KIF1A: variants seen among roughly 807,000 people sequenced by gnomAD.
KIF1A encodes the protein kinesin-like protein KIF1A.
KIF1A carries 46 observed loss-of-function variants against 227.3 expected under a neutral mutation model. That is an observed-to-expected ratio of 0.20 (90% confidence interval 0.16 to 0.26). The LOEUF (loss-of-function observed/expected upper bound fraction) is 0.26, where lower values mean the gene tolerates loss of function less well. Ranked by LOEUF, KIF1A falls within the 10% of genes least tolerant of loss-of-function variation. KIF1A has a pLI of 1.00. For missense variants in KIF1A, 1,683 were observed against 2,485.9 expected (o/e 0.68, Z 6.87); for synonymous variants, 1,022 against 1,012.8 (o/e 1.01, Z -0.17).
At chr2:240,776,597 T>C (rs1045139122) in intron 10 of KIF1A, among the ~76,000 whole-genome samples, 4 of 152,244 alleles carry the variant, frequency 2.6e-5, no homozygotes, top group African/African-American at 9.6e-5. Flanking sequence ...TGCCAGGAAT[T>C]GCTTCTGACA....
intron 10 of KIF1A, among the ~76,000 whole-genome samples, chr2:240,779,733 CAGTTCCACACTCAGTTCCTCAT>C (rs2053364866): frequency 6.6e-6 from 1 of 151,060 alleles, no homozygotes. Context: ...CAGTTCCTCA[CAGTTCCACACTCAGTTCCTCAT>C]AGTTCCCCAC....
chr2:240,757,226 GGCCAGGCCCCA>G lies in KIF1A; in HGVS notation c.2858+82_2858+92del. ...GCCTCGCCTGCCCTGGGAGGGCCCG[GGCCAGGCCCCA>G]GCGGTTCCTCTGTGCCCGCAGCAGT... On this transcript the variant is annotated intron_variant, in intron 27 of 48. Coordinates refer to ENST00000498729, the MANE Select transcript of KIF1A (RefSeq NM_001244008.2). The surrounding 1 kb of genome is among the most constrained non-coding windows in gnomAD (Gnocchi z 6.2). 1.5e-6 allele frequency: 2 copies of G among 1,325,594 alleles called. No individual in the cohort carries two copies. Among genetic ancestry groups the G allele is most frequent in the Non-Finnish European group, 2.1e-6 (2 of 957,338 alleles). 82.1% of individuals were successfully genotyped at this position (1,325,594 alleles called of 1,614,324 possible). A position where few individuals can be genotyped will look rare whatever the true frequency, so the allele number is the denominator to read the frequency against.
intron 16 of KIF1A, 112 bp downstream of exon 16, chr2:240,769,515 C>T (rs2051651438): frequency 2.3e-6 from 2 of 872,112 alleles, no homozygotes; most frequent in Non-Finnish European, 3.5e-6. Context: ...TGTGGCCACC[C>T]CATGGTGCAG....
chr2:240,816,207 TA>T (rs1255986779), intron 1 of KIF1A, among the ~76,000 whole-genome samples: 1 of 151,852 alleles, frequency 6.6e-6, no homozygotes, highest in East Asian at 1.9e-4. Context: ...CATGCGTGCA[TA>T]AGCATGTGTG....
At position 240,744,292 on chromosome 2, in the gene KIF1A, G is replaced by A. The variant is rs190057954; in HGVS notation, c.3466-232C>T. 7.2e-5 allele frequency among the ~76,000 whole-genome samples: 11 copies of A among 152,274 alleles called. No homozygotes were observed. In the East Asian group the frequency reaches 2.1e-3, roughly 29 times the overall value. ...GTCCCTCGGGCTCTCTCTCCAGGAC[G>A]AACAGGGGCCGCGTGGCTCAGCTGC... On this transcript the variant is annotated intron_variant, in intron 32 of 48. Transcript: ENST00000498729.
chr2:240,786,768 C>CAGCATCAGG (rs1575633767), intron 5 of KIF1A, among the ~76,000 whole-genome samples: 1 of 46,890 alleles, frequency 2.1e-5, no homozygotes, highest in African/African-American at 9.0e-5. Context: ...GGGTAGGGGC[C>CAGCATCAGG]ACCATCAGGA....
chr2:240,772,701 A>AAG, intron 13 of KIF1A, 105 bp from the exon 14 acceptor site: 1 of 898,434 alleles, frequency 1.1e-6, no homozygotes, highest in Non-Finnish European at 1.8e-6. Flanking sequence ...GGTGGCCAGC[A>AAG]GTGGGTGTGT....
chr2:240,755,992 T>C (rs1287803770), intron 27 of KIF1A, among the ~76,000 whole-genome samples: 2 of 152,038 alleles, frequency 1.3e-5, no homozygotes, highest in Non-Finnish European at 2.9e-5. Flanking sequence ...CAGGTTTTTA[T>C]CTGGTAGGCC....
intron 1 of KIF1A, among the ~76,000 whole-genome samples, chr2:240,805,151 GGGA>G (rs1274753064): frequency 2.2e-4 from 23 of 102,656 alleles, no homozygotes; most frequent in Admixed American, 3.8e-4. Flanking sequence ...GGAGTGGGGA[GGGA>G]GGCGGGAGGG....
chr2:240,776,038 G>C, intron 10 of KIF1A, 112 bp from the exon 11 acceptor site: 1 of 770,186 alleles, frequency 1.3e-6, no homozygotes, highest in Non-Finnish European at 2.3e-6. Flanking sequence ...GGCTGGGCAA[G>C]GGGCGGGGCC....
intron 10 of KIF1A, among the ~76,000 whole-genome samples, chr2:240,779,341 G>GTT (rs1490487567): frequency 1.5e-5 from 2 of 137,372 alleles, no homozygotes; most frequent in Non-Finnish European, 3.0e-5. Context: ...GTTCCTCATA[G>GTT]TTCCACACTC....
chr2:240,757,231 G>T lies in KIF1A; in HGVS notation c.2858+88C>A. The T allele has an allele frequency of 7.4e-7, 1 of 1,351,628 alleles. No individual in the cohort carries two copies. The highest frequency in any genetic ancestry group is 1.0e-6 in the Non-Finnish European group (1 of 979,580). 83.7% of individuals were successfully genotyped at this position (1,351,628 alleles called of 1,614,324 possible). A position where few individuals can be genotyped will look rare whatever the true frequency, so the allele number is the denominator to read the frequency against. ...GCCTGCCCTGGGAGGGCCCGGGCCA[G>T]GCCCCAGCGGTTCCTCTGTGCCCGC... On this transcript the variant is annotated intron_variant, in intron 27 of 48. Transcript: ENST00000498729. The surrounding 1 kb of genome is among the most constrained non-coding windows in gnomAD (Gnocchi z 6.2).
intron 10 of KIF1A, among the ~76,000 whole-genome samples, chr2:240,776,476 A>G (rs374713254): frequency 4.6e-5 from 7 of 152,154 alleles, no homozygotes; most frequent in African/African-American, 1.7e-4. Context: ...CCAGCTCACA[A>G]GCTTTCCTCT....
chr2:240,815,875 C>T (rs957122218), intron 1 of KIF1A, among the ~76,000 whole-genome samples: 5 of 152,146 alleles, frequency 3.3e-5, no homozygotes, highest in South Asian at 2.1e-4. Flanking sequence ...CCGAGCCAAG[C>T]GGTGCTGTTC....
intron 37 of KIF1A, among the ~76,000 whole-genome samples, chr2:240,737,810 T>C (rs2047518660): frequency 6.6e-6 from 1 of 152,194 alleles, no homozygotes; most frequent in East Asian, 1.9e-4. Context: ...ACAGTTCTGC[T>C]CATTCAAAGG....
chr2:240,811,394 A>T (rs1224918931), intron 1 of KIF1A, among the ~76,000 whole-genome samples: 4 of 152,190 alleles, frequency 2.6e-5, no homozygotes, highest in Non-Finnish European at 5.9e-5. Context: ...AAGAAAAGAA[A>T]AGAAACTATC....
intron 8 of KIF1A, among the ~76,000 whole-genome samples, 200 bp downstream of exon 8, chr2:240,783,539 C>T (rs1303965762): frequency 6.6e-6 from 1 of 152,218 alleles, no homozygotes; most frequent in Non-Finnish European, 1.5e-5. Context: ...AAACCCCTGA[C>T]CTGTGTGCCC....
chr2:240,773,941 A>C (rs749899883), intron 12 of KIF1A, among the ~76,000 whole-genome samples: 1 of 152,174 alleles, frequency 6.6e-6, no homozygotes, highest in Non-Finnish European at 1.5e-5. Flanking sequence ...GTCTGGTGCC[A>C]CGGGGCCCTG....
chr2:240,816,359 G>A (rs141441903), intron 1 of KIF1A, among the ~76,000 whole-genome samples: 30 of 152,162 alleles, frequency 2.0e-4, no homozygotes, highest in Non-Finnish European at 4.3e-4. Flanking sequence ...TGCAATGTGT[G>A]TGTATGTGTA....
Sources: allele counts gnomAD v4.1 joint callset (sites outside exome capture counted in the v4.1 genomes callset), GRCh38; gene constraint gnomAD v4.1.1; non-coding constraint Gnocchi (gnomAD v3.1); transcripts MANE v1.5; gene names NCBI Gene and HGNC (gene_info 2026-07-23, HGNC 2026-07-21).